The following MAPK12 variants were observed in gnomAD, a reference collection of about 807,000 sequenced individuals.
MAPK12 encodes mitogen-activated protein kinase 12, also known as MAP kinase 12.
Under a neutral mutation model 49.1 loss-of-function variants are expected in MAPK12, and 49 were observed. The ratio of observed to expected loss-of-function variants is 1.00; its 90% CI spans 0.79 to 1.27. The LOEUF (loss-of-function observed/expected upper bound fraction) is 1.27. Ranked by LOEUF, MAPK12 falls within the 50% of genes most tolerant of loss-of-function variation. The probability of loss-of-function intolerance (pLI) is 0.00; values close to 1 mark genes in which losing one functional copy is unlikely to be tolerated. For missense variants in MAPK12, 554 were observed against 502.4 expected (o/e 1.10, Z -0.98); for synonymous variants, 251 against 209.7 (o/e 1.20, Z -1.70).
rs1308753916 is a variant in MAPK12 at position 50,261,495 on chromosome 22, C to T, written c.15G>A (p.Pro5=). The T allele has an allele frequency of 7.2e-6, 9 of 1,243,736 alleles. No individual in the cohort carries two copies. In the South Asian group the frequency reaches 8.6e-5, roughly 12 times the overall value. 77.0% of individuals were successfully genotyped at this position (1,243,736 alleles called of 1,614,324 possible). Residue 5 remains proline, a synonymous_variant, in exon 1 of 12, where the codon CCG becomes CCA. Coordinates refer to ENST00000215659, the MANE Select transcript of MAPK12 (RefSeq NM_002969.6). ...GGCGGTAAAAGCCACTGCGGGCGGG[C>T]GGCGGAGAGCTCATGGCAGGCCCGG... MSSP[P]PARSGFYRQE...
intron 3 of MAPK12, chr22:50,257,770 T>C (rs2147259345): frequency 1.4e-6 from 1 of 694,484 alleles, no homozygotes; most frequent in East Asian, 2.7e-5. Context: ...TCTCCAGGCC[T>C]TCCTCGGCCT....
At chr22:50,257,308 G>A (rs2065161007) in intron 3 of MAPK12, 115 bp from the exon 4 acceptor site, 1 of 739,830 alleles carries the variant, frequency 1.4e-6, no homozygotes, top group Non-Finnish European at 2.3e-6. Context: ...CCCCCAGGAA[G>A]GTCACCCCTG....
At chr22:50,257,038 C>T (rs552764221) in intron 4 of MAPK12, 44 bp downstream of exon 4, 10 of 1,604,386 alleles carry the variant, frequency 6.2e-6, no homozygotes, top group African/African-American at 4.0e-5. Flanking sequence ...TGCCCAGCCC[C>T]GAGGCCCTGC....
At chr22:50,253,502 G>GGGGGGGGGGGGGGGCC in intron 11 of MAPK12, 22 bp from the exon 12 acceptor site, 2 of 171,684 alleles carry the variant, frequency 1.2e-5, no homozygotes. Flanking sequence ...GGGGGGGCGG[G>GGGGGGGGGGGGGGGCC]CACAACAGAG....
At position 50,256,586 on chromosome 22, in the gene MAPK12, A is replaced by C; in HGVS notation, c.504+13T>G. ...CTGCCCCACCTCAGGGCCCCCTGCCAGGCAGCACACACCTTCAGCTCACAG... is the reference window on the plus strand; with the variant it reads ...CTGCCCCACCTCAGGGCCCCCTGCCCGGCAGCACACACCTTCAGCTCACAG... On this transcript the variant is annotated intron_variant, in intron 6 of 11. Coordinates refer to ENST00000215659, the MANE Select transcript of MAPK12 (RefSeq NM_002969.6). 1 of 1,610,302 alleles carries C rather than the reference A, an allele frequency of 6.2e-7. No individual in the cohort carries two copies. The highest frequency in any genetic ancestry group is 1.1e-5 in the South Asian group (1 of 90,820).
intron 11 of MAPK12, chr22:50,253,770 T>G: frequency 2.1e-6 from 1 of 487,616 alleles, no homozygotes; most frequent in Non-Finnish European, 3.7e-6. Flanking sequence ...GAGGATCCTA[T>G]GGCCCATGGC....
rs745733708 is a variant in MAPK12 at position 50,256,121 on chromosome 22, C to T, written c.583G>A (p.Glu195Lys). The change falls in exon 7 of 12, where the codon GAG (glutamate) becomes AAG (lysine). Residue 195 changes from glutamate to lysine, a missense_variant. Physicochemically the swap from Glu to Lys is moderately conservative, Grantham distance 56. Transcript: ENST00000215659. ...YVVTRWYRAP[E>K]VILNWMRYTQ... ...TAGCGCATCCAATTCAAGATGACCT[C>T]GGGAGCCCGGTACCACCGGGTCACC... 6.2e-6 allele frequency: 10 copies of T among 1,612,568 alleles called. No individual in the cohort carries two copies. Among genetic ancestry groups the T allele is most frequent in the Admixed American group, 3.3e-5 (2 of 59,982 alleles).
intron 5 of MAPK12, 103 bp downstream of exon 5, chr22:50,256,830 CGT>C (rs2065155278): frequency 6.5e-7 from 1 of 1,535,982 alleles, no homozygotes; most frequent in African/African-American, 1.4e-5. Context: ...GTGCATAGGG[CGT>C]GGCTCAGCAC....
chr22:50,257,044 C>A (rs781434718), intron 4 of MAPK12, 38 bp downstream of exon 4: 1 of 1,605,648 alleles, frequency 6.2e-7, no homozygotes, highest in South Asian at 1.1e-5. Flanking sequence ...GCCCCGAGGC[C>A]CTGCCTGCCT....
At chr22:50,259,257 G>A (rs2065184443) in intron 2 of MAPK12, among the ~76,000 whole-genome samples, 1 of 152,170 alleles carries the variant, frequency 6.6e-6, no homozygotes, top group African/African-American at 2.4e-5. Flanking sequence ...GTGTCCAGGG[G>A]GCAGCGGGGA....
At chr22:50,257,893 G>T in intron 3 of MAPK12, 1 of 771,100 alleles carries the variant, frequency 1.3e-6, no homozygotes, top group Admixed American at 1.7e-5. Context: ...AAGGTCAGCA[G>T]CTCCAGTTAC....
intron 5 of MAPK12, 138 bp from the exon 6 acceptor site, chr22:50,256,784 G>A (rs2065154832): frequency 6.6e-7 from 1 of 1,509,706 alleles, no homozygotes; most frequent in Non-Finnish European, 8.9e-7. Flanking sequence ...GCAGACCAAG[G>A]TACCTGGGCA....
At chr22:50,260,540 A>T (rs2065200884) in intron 2 of MAPK12, among the ~76,000 whole-genome samples, 1 of 152,118 alleles carries the variant, frequency 6.6e-6, no homozygotes, top group Non-Finnish European at 1.5e-5. Context: ...CACTGGAAGG[A>T]CTGGAAAGGA....
Position 50,261,378 on chromosome 22 carries a change from C to T in MAPK12, c.125+7G>A. The T allele has an allele frequency of 1.7e-6, 2 of 1,181,580 alleles. No homozygotes were observed. Among genetic ancestry groups the T allele is most frequent in the South Asian group, 2.4e-5 (1 of 41,268 alleles). The allele number at this position is 1,181,580 out of a possible 1,614,324, so 73.2% of individuals were successfully genotyped here. On this transcript the variant is annotated splice_region_variant and intron_variant, in intron 1 of 11. Transcript: ENST00000215659. ...CCCGCCGGCCGCCCCGCCCGGCCCG[C>T]GCTCACCACACCGCGCCGTAGGCGC... is the stretch of plus-strand genomic sequence containing the variant.
chr22:50,259,596 G>C (rs991642070), intron 2 of MAPK12, among the ~76,000 whole-genome samples: 5 of 152,092 alleles, frequency 3.3e-5, no homozygotes, highest in Non-Finnish European at 7.4e-5. Flanking sequence ...GAAAAGCCCC[G>C]GTGGAGCCCG....
chr22:50,255,531 C>T lies in MAPK12; in HGVS notation c.772G>A (p.Ala258Thr), dbSNP rs766170277. 9.9e-6 allele frequency: 16 copies of T among 1,613,052 alleles called. No individual in the cohort carries two copies. The South Asian group carries it at 1.8e-4, about 18-fold the overall frequency. Residue 258 changes from alanine (A) to threonine (T), a missense_variant and splice_region_variant, in exon 10 of 12, where the codon GCC (alanine) becomes ACC (threonine). By Grantham distance (58) the Ala-to-Thr change is moderately conservative. Transcript: ENST00000215659. ...EFVQRLQSDEAKNYMKGLPEL... is the reference protein window; with the variant it reads ...EFVQRLQSDETKNYMKGLPEL... ...GGGAGGCCCTTCATGTAGTTCTTGG[C>T]CTGTGTGGGAAGAAAGGGTGAGGGG...
intron 3 of MAPK12, chr22:50,257,899 G>C: frequency 1.3e-6 from 1 of 772,398 alleles, no homozygotes; most frequent in Non-Finnish European, 2.4e-6. Flanking sequence ...AGCAGCTCCA[G>C]TTACCGGCCA....
chr22:50,257,629 G>A lies in MAPK12; in HGVS notation c.315-436C>T, dbSNP rs1245767884. ...AGGGAGGTGCCTGGGGGCGATGGGG[G>A]CGCGGCAAGGCATCTGGGTCAGAGG... On this transcript the variant is annotated intron_variant, in intron 3 of 11. Coordinates refer to ENST00000215659, the MANE Select transcript of MAPK12 (RefSeq NM_002969.6). The A allele has an allele frequency of 6.4e-5, 37 of 573,818 alleles. No homozygotes were observed. The Admixed American group carries it at 1.0e-3, about 16-fold the overall frequency. 35.5% of individuals were successfully genotyped at this position (573,818 alleles called of 1,614,324 possible).
Position 50,253,161 on chromosome 22 carries a change from G to A in MAPK12, c.*240C>T, listed in dbSNP as rs1277493183. On this transcript the variant is annotated 3_prime_UTR_variant, in exon 12 of 12. Transcript: ENST00000215659. Reference sequence around the variant, plus strand: ...CGGGCAAGTGGGCCACTGCTCCAGGGATCAGAGGCCATCCCCAGGTCGGCC... The same window carrying A: ...CGGGCAAGTGGGCCACTGCTCCAGGAATCAGAGGCCATCCCCAGGTCGGCC... The A allele has an allele frequency of 1.8e-6, 1 of 560,786 alleles. No individual in the cohort carries two copies. The highest frequency in any genetic ancestry group is 3.2e-6 in the Non-Finnish European group (1 of 308,710). The allele number at this position is 560,786 out of a possible 1,614,324, so 34.7% of individuals were successfully genotyped here. A position where few individuals can be genotyped will look rare whatever the true frequency, so the allele number is the denominator to read the frequency against.
Sources: allele counts gnomAD v4.1 joint callset (sites outside exome capture counted in the v4.1 genomes callset), GRCh38; gene constraint gnomAD v4.1.1; transcripts MANE v1.5; gene names NCBI Gene and HGNC (gene_info 2026-07-23, HGNC 2026-07-21).